The following MYO1B variants were observed in gnomAD, a reference collection of about 807,000 sequenced individuals.
MYO1B encodes myosin IB.
A neutral mutation model predicts 159.7 loss-of-function variants in MYO1B; 72 were observed. That is an observed-to-expected ratio of 0.45 (90% CI 0.37 to 0.55). The LOEUF (loss-of-function observed/expected upper bound fraction) is 0.55. Among genes scored for constraint, MYO1B ranks in the 20% least tolerant of loss-of-function variants. The probability of loss-of-function intolerance (pLI) is 0.00; values close to 1 mark genes in which losing one functional copy is unlikely to be tolerated. For missense variants in MYO1B, 1,062 were observed against 1,364.8 expected (o/e 0.78, Z 3.50); for synonymous variants, 468 against 473.8 (o/e 0.99, Z 0.16).
Position 191,416,027 on chromosome 2 carries a change from G to A in MYO1B, c.3160-88G>A, listed in dbSNP as rs1368004311. 5 of 1,363,216 alleles carry A rather than the reference G, an allele frequency of 3.7e-6. No individual in the cohort carries two copies. In the African/African-American group the frequency reaches 4.4e-5, roughly 12 times the overall value. The allele number at this position is 1,363,216 out of a possible 1,614,324, so 84.4% of individuals were successfully genotyped here. ...ATTCCAGGATCTGATGTTTTAAAGA[G>A]ACTGTAAGTATGTTTTTAGCCAAGC... On this transcript the variant is annotated intron_variant, in intron 29 of 30. Transcript: ENST00000392318.
chr2:191,314,306 TTTA>T (rs1690210430), intron 3 of MYO1B, among the ~76,000 whole-genome samples: 1 of 152,234 alleles, frequency 6.6e-6, no homozygotes, highest in African/African-American at 2.4e-5. Context: ...AGCTTTTTGG[TTTA>T]TTATCAATAA....
At chr2:191,262,335 T>G (rs1686867897) in intron 1 of MYO1B, among the ~76,000 whole-genome samples, 1 of 152,146 alleles carries the variant, frequency 6.6e-6, no homozygotes, top group African/African-American at 2.4e-5. Flanking sequence ...GTACACAAAC[T>G]GAACAACTGC....
intron 6 of MYO1B, among the ~76,000 whole-genome samples, chr2:191,346,651 C>G (rs1400039539): frequency 6.6e-6 from 1 of 152,138 alleles, no homozygotes; most frequent in Non-Finnish European, 1.5e-5. Context: ...TGCACCGTAA[C>G]CCTTGTCCCT....
chr2:191,307,688 T>C (rs34691559), intron 3 of MYO1B, among the ~76,000 whole-genome samples: 54,302 of 152,042 alleles, frequency 0.36, 10,169 homozygotes, highest in Middle Eastern at 0.52. Context: ...ACACCAGCCA[T>C]GAATGGGGTA....
At chr2:191,365,776 A>G (rs1214108645) in intron 11 of MYO1B, among the ~76,000 whole-genome samples, 1 of 152,230 alleles carries the variant, frequency 6.6e-6, no homozygotes, top group Non-Finnish European at 1.5e-5. Flanking sequence ...GATTTGGGGC[A>G]CATATCAGAA....
At chr2:191,378,521 GAAAT>G (rs756279954) in intron 13 of MYO1B, among the ~76,000 whole-genome samples, 11 of 152,126 alleles carry the variant, frequency 7.2e-5, no homozygotes, top group Non-Finnish European at 1.0e-4. Context: ...GGTTGGGGCA[GAAAT>G]AAATCACAAT....
chr2:191,367,140 T>C lies in MYO1B; in HGVS notation c.1033-2402T>C, dbSNP rs116820542. Among the ~76,000 whole-genome samples the C allele has an allele frequency of 4.8e-3, 733 of 152,152 alleles. 2 individuals are homozygous for C. Among genetic ancestry groups the C allele is most frequent in the African/African-American group, 0.017 (696 of 41,512 alleles). ...CTTTGAAACTGAGATGGTGAATTAG[T>C]GCACTTTGAGTCTTCCCTCGTTTCT... On this transcript the variant is annotated intron_variant, in intron 11 of 30. Coordinates refer to ENST00000392318, the MANE Select transcript of MYO1B (RefSeq NM_001130158.3).
At chr2:191,414,217 C>A in intron 28 of MYO1B, 37 bp downstream of exon 28, 2 of 1,580,044 alleles carry the variant, frequency 1.3e-6, no homozygotes, top group African/African-American at 1.4e-5. Flanking sequence ...TAAGAAGTAC[C>A]TATTAGTTGG....
chr2:191,248,777 T>C (rs1396349086), intron 1 of MYO1B, among the ~76,000 whole-genome samples: 1 of 152,214 alleles, frequency 6.6e-6, no homozygotes, highest in African/African-American at 2.4e-5. Flanking sequence ...GTCCATACTC[T>C]TTAGGTATAT....
intron 3 of MYO1B, among the ~76,000 whole-genome samples, chr2:191,297,666 C>T (rs988232232): frequency 1.3e-5 from 2 of 152,094 alleles, no homozygotes; most frequent in African/African-American, 4.8e-5. Context: ...ATTTATTGGT[C>T]ATTGGCATAT....
intron 1 of MYO1B, among the ~76,000 whole-genome samples, chr2:191,247,697 C>T (rs965486769): frequency 3.3e-5 from 5 of 152,230 alleles, no homozygotes; most frequent in African/African-American, 1.2e-4. Flanking sequence ...TTATAAAATA[C>T]AACACGATTG....
intron 7 of MYO1B, among the ~76,000 whole-genome samples, chr2:191,359,160 T>A (rs1395628938): frequency 6.6e-6 from 1 of 152,230 alleles, no homozygotes; most frequent in East Asian, 1.9e-4. Context: ...TCGTACTGCA[T>A]GTTTAACATT....
chr2:191,311,347 A>T (rs999514470), intron 3 of MYO1B, among the ~76,000 whole-genome samples: 2 of 152,186 alleles, frequency 1.3e-5, no homozygotes, highest in African/African-American at 4.8e-5. Flanking sequence ...CCTTGGGAAA[A>T]CACATGCAGG....
At chr2:191,248,546 C>T (rs540104635) in intron 1 of MYO1B, among the ~76,000 whole-genome samples, 4 of 152,282 alleles carry the variant, frequency 2.6e-5, no homozygotes, top group South Asian at 2.1e-4. Flanking sequence ...AGCTGCGGCT[C>T]GCTGCCACTG....
chr2:191,412,608 C>A (rs1697314244), intron 27 of MYO1B, among the ~76,000 whole-genome samples: 1 of 152,344 alleles, frequency 6.6e-6, no homozygotes, highest in East Asian at 1.9e-4. Context: ...CGCTGACCAC[C>A]TACGTGGATT....
chr2:191,288,258 GAAGA>G (rs1688498240), intron 2 of MYO1B, among the ~76,000 whole-genome samples: 2 of 139,702 alleles, frequency 1.4e-5, no homozygotes, highest in Non-Finnish European at 3.1e-5. Context: ...AAAAAAAAAA[GAAGA>G]AAGAAAGGTG....
At chr2:191,414,711 C>T in intron 29 of MYO1B, 42 bp downstream of exon 29, 1 of 1,560,162 alleles carries the variant, frequency 6.4e-7, no homozygotes, top group African/African-American at 1.4e-5. Context: ...ATCTCTCAGC[C>T]ATTGATTTAA....
chr2:191,344,278 A>C (rs969748919), intron 5 of MYO1B, among the ~76,000 whole-genome samples: 2 of 152,244 alleles, frequency 1.3e-5, no homozygotes, highest in Non-Finnish European at 2.9e-5. Context: ...GGTTACATTC[A>C]TGAAAGCCTT....
chr2:191,362,174 A>T, intron 8 of MYO1B, 94 bp from the exon 9 acceptor site: 1 of 869,112 alleles, frequency 1.2e-6, no homozygotes, highest in South Asian at 1.7e-5. Flanking sequence ...TATAAAAGCC[A>T]TGTTACCGAT....
Sources: allele counts gnomAD v4.1 joint callset (sites outside exome capture counted in the v4.1 genomes callset), GRCh38; gene constraint gnomAD v4.1.1; transcripts MANE v1.5; gene names NCBI Gene and HGNC (gene_info 2026-07-23, HGNC 2026-07-21).